PIEZO1: variants seen among roughly 807,000 people sequenced by gnomAD.
PIEZO1 encodes the protein piezo type mechanosensitive ion channel component 1 (Er blood group).
PIEZO1 carries 296 observed loss-of-function variants against 297.2 expected under a neutral mutation model. The observed-to-expected ratio is 1.00, with a 90% confidence interval of 0.91 to 1.10. The LOEUF (loss-of-function observed/expected upper bound fraction) is 1.10, where lower values mean the gene tolerates loss of function less well. PIEZO1 is among the 50% of genes least tolerant of loss of function. The pLI, the probability that PIEZO1 is intolerant of heterozygous loss-of-function variation, is 0.00. For synonymous variants in PIEZO1, 2,427 were observed against 1,507.5 expected (o/e 1.61, Z -14.13); for missense variants, 5,018 against 3,455.5 (o/e 1.45, Z -11.34).
intron 1 of PIEZO1, among the ~76,000 whole-genome samples, chr16:88,752,438 C>T (rs1381006523): frequency 2.0e-5 from 3 of 152,202 alleles, no homozygotes; most frequent in South Asian, 2.1e-4. Flanking sequence ...GCCATGATCA[C>T]GCTGCCGCAC....
chr16:88,748,211 G>T (rs1906163411), intron 2 of PIEZO1, among the ~76,000 whole-genome samples: 1 of 152,068 alleles, frequency 6.6e-6, no homozygotes, highest in East Asian at 1.9e-4. Flanking sequence ...CCAGCGGAGG[G>T]CCCGGCCCCA....
At position 88,725,176 on chromosome 16, in the gene PIEZO1, A is replaced by G. The variant is rs1040469288; in HGVS notation, c.4163-96T>C. On this transcript the variant is annotated intron_variant, in intron 29 of 50. Coordinates refer to ENST00000301015, the MANE Select transcript of PIEZO1 (RefSeq NM_001142864.4). ...CGTCTTGGAGACAGGATAGGTGGAGACAGACACGGACACCCACAGTGACGG... is the reference window on the plus strand; with the variant it reads ...CGTCTTGGAGACAGGATAGGTGGAGGCAGACACGGACACCCACAGTGACGG... 1.8e-5 allele frequency: 15 copies of G among 845,034 alleles called. No individual in the cohort carries two copies. In the South Asian group the frequency reaches 2.6e-4, roughly 15 times the overall value. The allele number at this position is 845,034 out of a possible 1,614,324, so 52.3% of individuals were successfully genotyped here. A position where few individuals can be genotyped will look rare whatever the true frequency, so the allele number is the denominator to read the frequency against.
Position 88,738,220 on chromosome 16 carries a change from C to G in PIEZO1, c.848+7G>C, listed in dbSNP as rs1905383465. 1 of 1,535,178 alleles carries G rather than the reference C, an allele frequency of 6.5e-7. No homozygotes were observed. Among genetic ancestry groups the G allele is most frequent in the Non-Finnish European group, 8.7e-7 (1 of 1,146,252 alleles). On this transcript the variant is annotated splice_region_variant and intron_variant, in intron 7 of 50. Transcript: ENST00000301015. ...CAGGAAAAAGGGGCTGTGTGGCAAG[C>G]CGTTACCTAGCCCAGATGCCGGCAG...
At chr16:88,783,943 G>A (rs539355363) in intron 1 of PIEZO1, among the ~76,000 whole-genome samples, 1 of 152,242 alleles carries the variant, frequency 6.6e-6, no homozygotes, top group African/African-American at 2.4e-5. Flanking sequence ...CCGTGTCCAT[G>A]GCGGACTCCC....
At chr16:88,774,571 G>A (rs903361928) in intron 1 of PIEZO1, among the ~76,000 whole-genome samples, 6 of 152,164 alleles carry the variant, frequency 3.9e-5, no homozygotes, top group Non-Finnish European at 8.8e-5. Context: ...GAGGAGAAAC[G>A]GGTGGGCATC....
In PIEZO1 at chr16:88,715,435, G is replaced by A. The variant is rs113882095; in HGVS notation, c.*170C>T. ...GCAGCGCCACGCAGGCCGTGGGGAC[G>A]CAGTGTCCTTCTCTGACAGCAGCAT... is the stretch of plus-strand genomic sequence containing the variant. On this transcript the variant is annotated 3_prime_UTR_variant, in exon 51 of 51. Transcript: ENST00000301015. 2,222 of 921,288 alleles carry A rather than the reference G, an allele frequency of 2.4e-3. 38 individuals are homozygous for A. The African/African-American group carries it at 0.032, about 13-fold the overall frequency. 57.1% of individuals were successfully genotyped at this position (921,288 alleles called of 1,614,324 possible). A position where few individuals can be genotyped will look rare whatever the true frequency, so the allele number is the denominator to read the frequency against.
intron 1 of PIEZO1, among the ~76,000 whole-genome samples, chr16:88,754,385 C>T (rs1906550087): frequency 6.6e-6 from 1 of 152,222 alleles, no homozygotes; most frequent in South Asian, 2.1e-4. Context: ...GGACACCACC[C>T]ACTCCCACTG....
At chr16:88,767,574 C>A (rs1907233595) in intron 1 of PIEZO1, among the ~76,000 whole-genome samples, 1 of 152,204 alleles carries the variant, frequency 6.6e-6, no homozygotes, top group Non-Finnish European at 1.5e-5. Flanking sequence ...CCAAGAGCCA[C>A]ATACCATCAT....
chr16:88,735,606 C>T (rs1444185636), intron 12 of PIEZO1, among the ~76,000 whole-genome samples: 1 of 152,282 alleles, frequency 6.6e-6, no homozygotes, highest in Non-Finnish European at 1.5e-5. Flanking sequence ...CACAAGCTCA[C>T]AGGTGCATAT....
intron 1 of PIEZO1, among the ~76,000 whole-genome samples, chr16:88,750,122 G>A (rs1047778651): frequency 2.0e-5 from 3 of 151,858 alleles, no homozygotes; most frequent in African/African-American, 7.3e-5. Flanking sequence ...ATCACCTGAG[G>A]TCAGGAGTTC....
intron 44 of PIEZO1, 25 bp downstream of exon 44, chr16:88,719,549 C>G (rs778396519): frequency 1.3e-6 from 2 of 1,545,154 alleles, no homozygotes; most frequent in Non-Finnish European, 1.8e-6. Context: ...GCCCTTGTCC[C>G]GGCCCCCGCC....
rs1908111318 is a variant in PIEZO1, at chr16:88,784,915, C to G, written c.50G>C (p.Cys17Ser). The stretch of plus-strand genomic sequence containing the variant: ...CCCCCACTCACCAGCCAGCAGCGCG[C>G]AGGGCAGCAGCAGCCAGTACAGGAC... ...GAVLYWLLLP[C>S]ALLAACLLRF... Residue 17 changes from cysteine to serine, a missense_variant, in exon 1 of 51, where the codon TGC becomes TCC. Coordinates refer to ENST00000301015, the MANE Select transcript of PIEZO1 (RefSeq NM_001142864.4). 1 of 1,436,190 alleles carries G rather than the reference C, an allele frequency of 7.0e-7. No homozygotes were observed. Among genetic ancestry groups the G allele is most frequent in the Non-Finnish European group, 9.1e-7 (1 of 1,092,930 alleles). 89.0% of individuals were successfully genotyped at this position (1,436,190 alleles called of 1,614,324 possible). A position where few individuals can be genotyped will look rare whatever the true frequency, so the allele number is the denominator to read the frequency against.
Position 88,723,900 on chromosome 16 carries a change from G to A in PIEZO1, c.4306C>T (p.Pro1436Ser), listed in dbSNP as rs1292524794. ...AAGGCACTCTGTGCCGACGGCCTCG[G>A]GTCTTCAGGAACAGCCTCCTCCTCT... ...EEEEEAVPED[P>S]RPSAQSAFQL... Residue 1436 changes from proline (P) to serine (S), a missense_variant, in exon 31 of 51, where the codon CCG becomes TCG. Transcript: ENST00000301015. The A allele has an allele frequency of 1.3e-6, 2 of 1,548,534 alleles. No individual in the cohort carries two copies. Among genetic ancestry groups the A allele is most frequent in the East Asian group, 2.4e-5 (1 of 40,910 alleles).
At chr16:88,737,248 G>C (rs1462839636) in intron 10 of PIEZO1, 1 of 339,014 alleles carries the variant, frequency 2.9e-6, no homozygotes. Context: ...AACAGCACAA[G>C]ACAGCATAGC....
chr16:88,723,360 C>A (rs972185312), intron 31 of PIEZO1, 32 bp from the exon 32 acceptor site: 1 of 1,535,254 alleles, frequency 6.5e-7, no homozygotes, highest in South Asian at 1.2e-5. Flanking sequence ...AGGACCCGGC[C>A]TCCCGAGCCA....
Position 88,715,465 on chromosome 16 carries a change from G to A in PIEZO1, c.*140C>T, listed in dbSNP as rs1911921733. ...GTCCTTCTCTGACAGCAGCATCAGG[G>A]CTCAGGCAGGCCGGGAGGATGCATC... On this transcript the variant is annotated 3_prime_UTR_variant, in exon 51 of 51. Transcript: ENST00000301015. The A allele has an allele frequency of 2.0e-6, 2 of 1,007,294 alleles. No individual in the cohort carries two copies. The highest frequency in any genetic ancestry group is 3.2e-5 in the South Asian group (2 of 62,350). The allele number at this position is 1,007,294 out of a possible 1,614,324, so 62.4% of individuals were successfully genotyped here.
At position 88,723,211 on chromosome 16, in the gene PIEZO1, C is replaced by A. The variant is rs1365321508; in HGVS notation, c.4438+15G>T. 3 of 1,548,508 alleles carry A rather than the reference C, an allele frequency of 1.9e-6. No individual in the cohort carries two copies. The highest frequency in any genetic ancestry group is 2.7e-5 in the African/African-American group (2 of 73,176). ...CCGCGGCTTCCCCTCAGAGTCCCCA[C>A]GCCCCCCAGCTCACCTGTGGGTAGC... is the stretch of plus-strand genomic sequence containing the variant. On this transcript the variant is annotated intron_variant, in intron 32 of 50. Coordinates refer to ENST00000301015, the MANE Select transcript of PIEZO1 (RefSeq NM_001142864.4).
intron 2 of PIEZO1, chr16:88,742,676 G>A: frequency 2.0e-6 from 1 of 494,110 alleles, no homozygotes; most frequent in Non-Finnish European, 3.6e-6. Context: ...CCACAGGCAG[G>A]AAAAGGCCTC....
At chr16:88,733,163 T>A in intron 19 of PIEZO1, 115 bp downstream of exon 19, 1 of 979,502 alleles carries the variant, frequency 1.0e-6, no homozygotes, top group Non-Finnish European at 1.5e-6. Flanking sequence ...CAGGGGAGAG[T>A]CCTCCATCTC....
Sources: gnomAD v4.1 joint callset for allele counts (sites outside exome capture counted in the v4.1 genomes callset) on GRCh38, gnomAD v4.1.1 for gene constraint, MANE v1.5 for transcripts, NCBI Gene and HGNC (gene_info 2026-07-23, HGNC 2026-07-21) for gene names.